Variants in ROBO2 observed in about 807,000 individuals in gnomAD.
ROBO2 encodes roundabout guidance receptor 2.
A neutral mutation model predicts 160.8 loss-of-function variants in ROBO2; 53 were observed. The ratio of observed to expected loss-of-function variants is 0.33; its 90% CI spans 0.26 to 0.41. ROBO2 has a LOEUF of 0.41. Among genes scored for constraint, ROBO2 ranks in the 10% least tolerant of loss-of-function variants. The pLI, the probability that ROBO2 is intolerant of heterozygous loss-of-function variation, is 1.00. For synonymous variants in ROBO2, 664 were observed against 611.7 expected (o/e 1.09, Z -1.26); for missense variants, 1,577 against 1,722.4 (o/e 0.92, Z 1.49).
intron 2 of ROBO2, among the ~76,000 whole-genome samples, chr3:77,159,096 G>C (rs1156570280): frequency 1.3e-5 from 2 of 152,056 alleles, no homozygotes; most frequent in Admixed American, 1.3e-4. Flanking sequence ...GCAAGGCAGG[G>C]ACTGTTGCAC....
At chr3:76,381,836 T>A (rs1160829417) in intron 2 of ROBO2, among the ~76,000 whole-genome samples, 1 of 152,206 alleles carries the variant, frequency 6.6e-6, no homozygotes, top group Middle Eastern at 3.2e-3. Context: ...GTGTCACTGC[T>A]AATAAGTGGC....
chr3:76,904,827 T>A (rs193116494), intron 2 of ROBO2, among the ~76,000 whole-genome samples: 4 of 152,328 alleles, frequency 2.6e-5, no homozygotes, highest in East Asian at 1.9e-4. Flanking sequence ...TTTGCCTCTA[T>A]GATACCACCA....
chr3:77,271,907 G>A (rs367632487), intron 2 of ROBO2, among the ~76,000 whole-genome samples: 18 of 152,098 alleles, frequency 1.2e-4, no homozygotes, highest in African/African-American at 9.7e-5. Context: ...TATTTTTAGC[G>A]TGCTTCTTTG....
intron 2 of ROBO2, among the ~76,000 whole-genome samples, chr3:75,939,146 T>A (rs2107043431): frequency 6.6e-6 from 1 of 152,076 alleles, no homozygotes; most frequent in East Asian, 1.9e-4. Context: ...CCGCGTTGGG[T>A]TTCTGTGGCT....
At chr3:76,794,129 AATTTGAAT>A (rs2063541481) in intron 2 of ROBO2, among the ~76,000 whole-genome samples, 1 of 151,916 alleles carries the variant, frequency 6.6e-6, no homozygotes, top group African/African-American at 2.4e-5. Flanking sequence ...GTCTTATTAA[AATTTGAAT>A]GGTGCAGAAT....
chr3:77,387,725 T>C (rs760775782), intron 2 of ROBO2, among the ~76,000 whole-genome samples: 3 of 152,130 alleles, frequency 2.0e-5, no homozygotes, highest in Non-Finnish European at 2.9e-5. Context: ...GGCAGAAGGT[T>C]AAATATCCCC....
intron 2 of ROBO2, among the ~76,000 whole-genome samples, chr3:76,341,012 A>T (rs2108165413): frequency 6.6e-6 from 1 of 152,240 alleles, no homozygotes; most frequent in Middle Eastern, 3.4e-3. Context: ...CTGTCTCCTT[A>T]AAGATCATTA....
At chr3:77,600,586 T>TCTC in intron 19 of ROBO2, among the ~76,000 whole-genome samples, 1 of 152,162 alleles carries the variant, frequency 6.6e-6, no homozygotes, top group South Asian at 2.1e-4. Context: ...AACTTTAAAT[T>TCTC]CAAGGTGTGT....
At chr3:76,294,512 T>C (rs1044051970) in intron 2 of ROBO2, among the ~76,000 whole-genome samples, 5 of 152,184 alleles carry the variant, frequency 3.3e-5, no homozygotes, top group African/African-American at 1.2e-4. Context: ...CCAGATGCTA[T>C]TTTCCATTGA....
intron 2 of ROBO2, among the ~76,000 whole-genome samples, chr3:76,343,551 C>T (rs62262580): frequency 0.13 from 19,831 of 151,248 alleles, 1,385 homozygotes; most frequent in South Asian, 0.18. Context: ...GCAAACGTAA[C>T]TGCGGTTTTT....
At chr3:76,961,262 A>C (rs985747097) in intron 2 of ROBO2, among the ~76,000 whole-genome samples, 17 of 151,154 alleles carry the variant, frequency 1.1e-4, no homozygotes, top group South Asian at 4.1e-4. Context: ...AAAAAAAAAA[A>C]AAAAAACACT....
At chr3:75,943,582 C>T (rs1213786963) in intron 2 of ROBO2, among the ~76,000 whole-genome samples, 4 of 151,672 alleles carry the variant, frequency 2.6e-5, no homozygotes, top group Admixed American at 6.6e-5. Flanking sequence ...TTAGTCTTAT[C>T]TCTCTGCCTA....
intron 2 of ROBO2, among the ~76,000 whole-genome samples, chr3:77,157,531 A>G (rs2078125169): frequency 6.6e-6 from 1 of 152,072 alleles, no homozygotes; most frequent in Non-Finnish European, 1.5e-5. Context: ...TTCTTTACAC[A>G]TCTTCCTTAC....
chr3:75,908,548 A>G (rs1283628291), intron 1 of ROBO2, among the ~76,000 whole-genome samples: 2 of 152,154 alleles, frequency 1.3e-5, no homozygotes. Context: ...AACATATAAA[A>G]TATATGAATG....
At chr3:76,986,450 C>A (rs879259821) in intron 2 of ROBO2, among the ~76,000 whole-genome samples, 3 of 151,918 alleles carry the variant, frequency 2.0e-5, no homozygotes, top group African/African-American at 7.2e-5. Flanking sequence ...CACAGGTAAC[C>A]GTGTCTTAAT....
intron 2 of ROBO2, among the ~76,000 whole-genome samples, chr3:77,176,501 T>C (rs2080172084): frequency 6.6e-6 from 1 of 151,990 alleles, no homozygotes; most frequent in Non-Finnish European, 1.5e-5. Flanking sequence ...ATAATGGAAG[T>C]CAATAGATAA....
At chr3:76,350,568 A>G (rs896152947) in intron 2 of ROBO2, among the ~76,000 whole-genome samples, 6 of 152,078 alleles carry the variant, frequency 3.9e-5, no homozygotes, top group African/African-American at 7.2e-5. Context: ...ATAATGTTCA[A>G]TATAAATACC....
At chr3:76,930,700 TAGTC>T (rs1360173346) in intron 2 of ROBO2, among the ~76,000 whole-genome samples, 1 of 152,150 alleles carries the variant, frequency 6.6e-6, no homozygotes, top group African/African-American at 2.4e-5. Flanking sequence ...CAAAATCTGA[TAGTC>T]TGAGAACCAA....
At chr3:77,041,666 A>C (rs1228316369) in intron 1 of ROBO2, among the ~76,000 whole-genome samples, 1 of 152,298 alleles carries the variant, frequency 6.6e-6, no homozygotes, top group East Asian at 1.9e-4. Context: ...CTTTTGAATG[A>C]AGAGTGGAAA....
Sources: allele counts gnomAD v4.1 joint callset (sites outside exome capture counted in the v4.1 genomes callset), GRCh38; gene constraint gnomAD v4.1.1; transcripts MANE v1.5; gene names NCBI Gene and HGNC (gene_info 2026-07-23, HGNC 2026-07-21).